Variants in EXT1 observed in about 807,000 individuals in gnomAD.
The protein encoded by EXT1 is exostosin glycosyltransferase 1, also known as exostosin-1.
A neutral mutation model predicts 82.5 loss-of-function variants in EXT1; 20 were observed. That is an observed-to-expected ratio of 0.24 (90% CI 0.17 to 0.35). The LOEUF (loss-of-function observed/expected upper bound fraction) is 0.35. Ranked by LOEUF, EXT1 falls within the 10% of genes least tolerant of loss-of-function variation. The pLI is 1.00. For missense variants in EXT1, 757 were observed against 936.5 expected, an observed-to-expected ratio of 0.81 and a Z score of 2.50; for synonymous variants, 348 against 350.8, an observed-to-expected ratio of 0.99 and a Z score of 0.09.
chr8:117,847,630 C>G (rs945346414), intron 1 of EXT1, among the ~76,000 whole-genome samples: 1 of 152,150 alleles, frequency 6.6e-6, no homozygotes, highest in Non-Finnish European at 1.5e-5. Context: ...AAACCCTGCA[C>G]CAGTCCAAAA....
At chr8:118,032,256 C>T (rs552124922) in intron 1 of EXT1, among the ~76,000 whole-genome samples, 80 of 151,660 alleles carry the variant, frequency 5.3e-4, no homozygotes, top group Admixed American at 1.1e-3. Context: ...AGGAGCAACT[C>T]CCGGGAACTT....
chr8:118,087,939 C>CAAAA (rs10706033), intron 1 of EXT1, among the ~76,000 whole-genome samples: 17 of 83,908 alleles, frequency 2.0e-4, no homozygotes, highest in African/African-American at 5.2e-4. Context: ...CGTTTCAGGG[C>CAAAA]AAAAAAAAAA....
intron 4 of EXT1, among the ~76,000 whole-genome samples, chr8:117,829,992 T>A (rs1175693348): frequency 2.0e-5 from 3 of 152,204 alleles, no homozygotes; most frequent in African/African-American, 4.8e-5. Flanking sequence ...AGTCAATCTC[T>A]GTGTCAATAA....
chr8:117,996,968 A>G (rs940446440), intron 1 of EXT1, among the ~76,000 whole-genome samples: 1 of 152,194 alleles, frequency 6.6e-6, no homozygotes, highest in Non-Finnish European at 1.5e-5. Flanking sequence ...ACACTTCTCT[A>G]TAATGTTACC....
At chr8:118,090,623 C>CA (rs2129998628) in intron 1 of EXT1, among the ~76,000 whole-genome samples, 1 of 151,296 alleles carries the variant, frequency 6.6e-6, no homozygotes, top group East Asian at 1.9e-4. Context: ...ACTAAAAATA[C>CA]AAAAAATTAA....
chr8:118,111,407 GGCAAGACGAAGTGATT>G lies in EXT1; in HGVS notation c.-377_-362del, dbSNP rs1293194347. 2 of 541,724 alleles carry G rather than the reference GGCAAGACGAAGTGATT, an allele frequency of 3.7e-6. No homozygotes were observed. Among genetic ancestry groups the G allele is most frequent in the Admixed American group, 6.8e-5 (2 of 29,524 alleles). 33.6% of individuals were successfully genotyped at this position (541,724 alleles called of 1,614,324 possible). ...AAAAAGCTCCCGATACCCAATCAAT[GGCAAGACGAAGTGATT>G]GCCTTGCCTCTCGGATTCCTCTCGG... On this transcript the variant is annotated 5_prime_UTR_variant, in exon 1 of 11. Coordinates refer to ENST00000378204, the MANE Select transcript of EXT1 (RefSeq NM_000127.3).
chr8:117,937,304 T>C (rs1814183860), intron 1 of EXT1, among the ~76,000 whole-genome samples: 1 of 152,202 alleles, frequency 6.6e-6, no homozygotes, highest in African/African-American at 2.4e-5. Flanking sequence ...TGGAAGTTCA[T>C]CATAATGTAA....
chr8:117,938,479 T>C (rs530610145), intron 1 of EXT1, among the ~76,000 whole-genome samples: 1 of 149,798 alleles, frequency 6.7e-6, no homozygotes, highest in Admixed American at 6.6e-5. Context: ...ATAACAATAA[T>C]AATAATAATA....
Position 117,991,654 on chromosome 8 carries a change from C to T in EXT1, c.962+118431G>A, listed in dbSNP as rs148377383. Among the ~76,000 whole-genome samples the T allele has an allele frequency of 3.6e-3, 548 of 152,240 alleles. 2 individuals carry two copies. Among genetic ancestry groups the T allele is most frequent in the African/African-American group, 0.012 (504 of 41,550 alleles). On this transcript the variant is annotated intron_variant, in intron 1 of 10. Coordinates refer to ENST00000378204, the MANE Select transcript of EXT1 (RefSeq NM_000127.3). ...TCAGCTCACTGCAACCTCCACCTCC[C>T]GGGCTCAAGTGATTCTCCGGCCTCA...
At chr8:117,825,154 G>A (rs1811990023) in intron 4 of EXT1, among the ~76,000 whole-genome samples, 1 of 152,138 alleles carries the variant, frequency 6.6e-6, no homozygotes, top group Admixed American at 6.5e-5. Context: ...CTACAGGTGT[G>A]AGCCACCGCT....
chr8:117,853,088 GTCA>G (rs1488664319), intron 1 of EXT1, among the ~76,000 whole-genome samples: 3 of 152,276 alleles, frequency 2.0e-5, no homozygotes, highest in African/African-American at 7.2e-5. Flanking sequence ...AGATGCAAAA[GTCA>G]TCAAGAAATT....
At chr8:117,953,653 T>C (rs535329673) in intron 1 of EXT1, among the ~76,000 whole-genome samples, 1 of 152,274 alleles carries the variant, frequency 6.6e-6, no homozygotes, top group Admixed American at 6.5e-5. Flanking sequence ...TGCAGCCATG[T>C]AGTTGGGTCA....
chr8:117,947,921 G>C (rs868666719), intron 1 of EXT1, among the ~76,000 whole-genome samples: 1 of 152,094 alleles, frequency 6.6e-6, no homozygotes, highest in Non-Finnish European at 1.5e-5. Context: ...TCATCCCTTC[G>C]TGGGCCTCTC....
chr8:118,088,927 CACTT>C (rs961766123), intron 1 of EXT1, among the ~76,000 whole-genome samples: 2 of 152,180 alleles, frequency 1.3e-5, no homozygotes, highest in Non-Finnish European at 2.9e-5. Context: ...TAACTAGTCA[CACTT>C]ACTTAAGGGG....
At chr8:117,864,781 A>AG (rs1281401086) in intron 1 of EXT1, among the ~76,000 whole-genome samples, 1 of 151,950 alleles carries the variant, frequency 6.6e-6, no homozygotes, top group Non-Finnish European at 1.5e-5. Context: ...AAAAAAAAAA[A>AG]AATCTCATAA....
chr8:117,973,553 G>T (rs2129746798), intron 1 of EXT1, among the ~76,000 whole-genome samples: 1 of 152,136 alleles, frequency 6.6e-6, no homozygotes, highest in South Asian at 2.1e-4. Flanking sequence ...AGGACTGCAT[G>T]AGCCTAGGAG....
intron 1 of EXT1, among the ~76,000 whole-genome samples, chr8:117,934,483 T>G (rs1417230667): frequency 6.6e-6 from 1 of 152,328 alleles, no homozygotes; most frequent in African/African-American, 2.4e-5. Context: ...TTCCCATTGA[T>G]GTGCCCTGTG....
rs540699647 is a variant in EXT1, at chr8:117,818,360, C to T, written c.1632+75G>A. The T allele has an allele frequency of 1.4e-5, 16 of 1,183,102 alleles. No homozygotes were observed. The South Asian group carries it at 1.5e-4, about 11-fold the overall frequency. 73.3% of individuals were successfully genotyped at this position (1,183,102 alleles called of 1,614,324 possible). A position where few individuals can be genotyped will look rare whatever the true frequency, so the allele number is the denominator to read the frequency against. On this transcript the variant is annotated intron_variant, in intron 7 of 10. Transcript: ENST00000378204. ...AGGAACAGGGAGAAGATATCTAGGGCCAAGACCCAAAGTGCCCCATGGAGA... is the reference window on the plus strand; with the variant it reads ...AGGAACAGGGAGAAGATATCTAGGGTCAAGACCCAAAGTGCCCCATGGAGA...
chr8:117,923,347 C>G (rs1813891959), intron 1 of EXT1, among the ~76,000 whole-genome samples: 1 of 151,468 alleles, frequency 6.6e-6, no homozygotes, highest in African/African-American at 2.4e-5. Flanking sequence ...GGAAAAAGGA[C>G]AGTGAGCAGG....
Sources: allele counts gnomAD v4.1 joint callset (sites outside exome capture counted in the v4.1 genomes callset), GRCh38; gene constraint gnomAD v4.1.1; transcripts MANE v1.5; gene names NCBI Gene and HGNC (gene_info 2026-07-23, HGNC 2026-07-21).